LAMC3: variants seen among roughly 807,000 people sequenced by gnomAD.
LAMC3 encodes laminin subunit gamma 3.
LAMC3 carries 128 observed loss-of-function variants against 173.8 expected under a neutral mutation model. The observed-to-expected ratio is 0.74, with a 90% CI of 0.64 to 0.85. The LOEUF is 0.85. LAMC3 is among the 40% of genes least tolerant of loss of function. LAMC3 has a pLI of 0.00. For synonymous variants in LAMC3, 897 were observed against 909.1 expected (o/e 0.99, Z 0.24); for missense variants, 2,022 against 2,156.0 (o/e 0.94, Z 1.23).
intron 1 of LAMC3, among the ~76,000 whole-genome samples, chr9:131,013,550 TGCGGCCCCTGTCCTGAGGG>T (rs1414015318): frequency 6.6e-6 from 1 of 152,178 alleles, no homozygotes; most frequent in Non-Finnish European, 1.5e-5. Flanking sequence ...CAGGGCCATG[TGCGGCCCCTGTCCTGAGGG>T]GCTCAGGGCC....
Position 131,052,891 on chromosome 9 carries a change from C to A in LAMC3, c.1865C>A (p.Pro622His), listed in dbSNP as rs142041428. Reference sequence around the variant, plus strand: ...GAGGACGTGGCCCCTCCACTGCCCCCCTTCCACTTCCAGCGGCTCCTCGCC... The same window carrying A: ...GAGGACGTGGCCCCTCCACTGCCCCACTTCCACTTCCAGCGGCTCCTCGCC... ...TSEDVAPPLP[P>H]FHFQRLLANL... The change falls in exon 11 of 28, where the codon CCC becomes CAC. Residue 622 changes from proline (P) to histidine (H), a missense_variant. Coordinates refer to ENST00000361069, the MANE Select transcript of LAMC3 (RefSeq NM_006059.4). 22 of 1,614,030 alleles carry A rather than the reference C, an allele frequency of 1.4e-5. No homozygotes were observed. In the South Asian group the frequency reaches 1.8e-4, roughly 13 times the overall value.
In LAMC3 at chr9:131,067,189, C is replaced by A. The variant is rs374658017; in HGVS notation, c.2577C>A (p.Pro859=). The change falls in exon 14 of 28, where the codon CCC becomes CCA. Residue 859 remains proline, a synonymous_variant. Transcript: ENST00000361069. ...ACGGGAGCGCCCTGGCCCCTCGACC[C>A]GCAGACAAATGCATGCGTGAGTACC... ...GFYGSALAPR[P]ADKCMPCSCH... 4 of 1,613,954 alleles carry A rather than the reference C, an allele frequency of 2.5e-6. No individual in the cohort carries two copies. The Admixed American group carries it at 6.7e-5, about 27-fold the overall frequency.
intron 1 of LAMC3, among the ~76,000 whole-genome samples, chr9:131,010,255 G>T (rs892177127): frequency 4.6e-4 from 70 of 151,864 alleles, no homozygotes; most frequent in African/African-American, 1.5e-3. Flanking sequence ...AGACTGAGAG[G>T]TTGAGGCTGC....
chr9:131,087,682 G>A (rs773223593), intron 26 of LAMC3, 36 bp from the exon 27 acceptor site: 76 of 1,613,612 alleles, frequency 4.7e-5, no homozygotes, highest in East Asian at 6.7e-5. Context: ...GGGTGGGGAC[G>A]CCATTCAAGC....
chr9:131,014,955 A>C (rs1420885657), intron 1 of LAMC3, among the ~76,000 whole-genome samples: 1 of 152,210 alleles, frequency 6.6e-6, no homozygotes, highest in African/African-American at 2.4e-5. Context: ...CAGCCTGGGC[A>C]ACAGAGCGAG....
intron 1 of LAMC3, chr9:131,021,362 A>C (rs1404195305): frequency 6.6e-6 from 1 of 152,146 alleles, no homozygotes; most frequent in East Asian, 1.9e-4. Flanking sequence ...ACCATTTCAC[A>C]TTCCCACCCA....
chr9:131,089,943 GTTTATT>G (rs1830395416), intron 27 of LAMC3, among the ~76,000 whole-genome samples: 4 of 142,494 alleles, frequency 2.8e-5, no homozygotes, highest in African/African-American at 8.3e-5. Flanking sequence ...GGTGAGGAGA[GTTTATT>G]TTTATTTTTT....
chr9:131,086,782 C>T (rs1239930282), intron 25 of LAMC3, among the ~76,000 whole-genome samples: 1 of 151,682 alleles, frequency 6.6e-6, no homozygotes, highest in African/African-American at 2.4e-5. Context: ...CCTAACTACT[C>T]CAGAGGCTGA....
At chr9:131,032,429 T>C (rs1833841975) in intron 3 of LAMC3, among the ~76,000 whole-genome samples, 1 of 151,206 alleles carries the variant, frequency 6.6e-6, no homozygotes, top group African/African-American at 2.4e-5. Context: ...GCCTGGAGGT[T>C]CCTTCCTTCC....
rs1364633032 is a variant in LAMC3 at position 131,052,862 on chromosome 9, C to A, written c.1836C>A (p.Thr612=). 2 of 1,613,126 alleles carry A rather than the reference C, an allele frequency of 1.2e-6. No individual in the cohort carries two copies. Among genetic ancestry groups the A allele is most frequent in the African/African-American group, 1.3e-5 (1 of 74,894 alleles). The stretch of plus-strand genomic sequence containing the variant: ...CTTCTCTCGCCAGCCTGCAGGAGAC[C>A]TCCGAGGACGTGGCCCCTCCACTGC... ...EVELRFHLQE[T]SEDVAPPLPP... Residue 612 remains threonine (T), a synonymous_variant, in exon 11 of 28, where the codon ACC becomes ACA. Transcript: ENST00000361069.
intron 8 of LAMC3, among the ~76,000 whole-genome samples, chr9:131,047,365 C>T (rs1384847368): frequency 6.6e-6 from 1 of 150,962 alleles, no homozygotes; most frequent in Admixed American, 6.6e-5. Flanking sequence ...GGGGGTTTCA[C>T]CATGTTGGTC....
rs757403798 is a variant in LAMC3 at position 131,038,998 on chromosome 9, T to G, written c.1111T>G (p.Phe371Val). ...ACACTGTGAGCGCTGTCAGGAGAAT[T>G]TCTATCACTGGGACCCGCGGATGCC... ...GPHCERCQEN[F>V]YHWDPRMPCQ... The change falls in exon 5 of 28, where the codon TTC becomes GTC. Residue 371 changes from phenylalanine (F) to valine (V), a missense_variant. Transcript: ENST00000361069. The G allele has an allele frequency of 1.9e-6, 3 of 1,613,692 alleles. No individual in the cohort carries two copies.
intron 20 of LAMC3, 92 bp downstream of exon 20, chr9:131,073,413 T>C (rs1310326720): frequency 1.2e-5 from 12 of 963,288 alleles, no homozygotes; most frequent in African/African-American, 3.2e-5. Context: ...CACCCAGAAG[T>C]TGGGATCAGA....
At chr9:131,033,466 T>G (rs1054734040) in intron 3 of LAMC3, among the ~76,000 whole-genome samples, 1 of 151,244 alleles carries the variant, frequency 6.6e-6, no homozygotes, top group Non-Finnish European at 1.5e-5. Flanking sequence ...GTGGGAAGGC[T>G]GGGGTTGAGG....
intron 12 of LAMC3, 24 bp downstream of exon 12, chr9:131,057,171 G>C: frequency 6.3e-7 from 1 of 1,597,942 alleles, no homozygotes; most frequent in Non-Finnish European, 8.6e-7. Context: ...CACCCCATCC[G>C]AAGGCACCTG....
rs780144854 is a variant in LAMC3, at chr9:131,067,087, C to T, written c.2475C>T (p.Asp825=). Residue 825 remains aspartate (D), a synonymous_variant, in exon 14 of 28, where the codon GAC becomes GAT. Coordinates refer to ENST00000361069, the MANE Select transcript of LAMC3 (RefSeq NM_006059.4). ...NVDPNAVGNC[D]PLSGHCLRCL... ...ACCCCAATGCCGTGGGCAACTGTGACCCCCTGTCTGGCCACTGCCTGCGCT... is the reference window on the plus strand; with the variant it reads ...ACCCCAATGCCGTGGGCAACTGTGATCCCCTGTCTGGCCACTGCCTGCGCT... The T allele has an allele frequency of 1.2e-6, 2 of 1,614,042 alleles. No individual in the cohort carries two copies. The highest frequency in any genetic ancestry group is 2.2e-5 in the South Asian group (2 of 91,094).
At chr9:131,054,579 C>A (rs12005643) in intron 11 of LAMC3, among the ~76,000 whole-genome samples, 6 of 152,058 alleles carry the variant, frequency 3.9e-5, no homozygotes, top group African/African-American at 1.4e-4. Context: ...TATGGTGAAA[C>A]CCCATCTCTA....
chr9:131,028,283 G>A (rs1391214068), intron 2 of LAMC3, among the ~76,000 whole-genome samples: 2 of 152,126 alleles, frequency 1.3e-5, no homozygotes, highest in Non-Finnish European at 1.5e-5. Context: ...CGTCTTCCAC[G>A]AAACCTCTTC....
rs568719616 is a variant in LAMC3, at chr9:131,017,453, C to T, written c.373+7866C>T. On this transcript the variant is annotated intron_variant, in intron 1 of 27. Transcript: ENST00000361069. ...ACAAGAGTTAATTAGAGGCCGGGTG[C>T]GGTCCTTACGCCTGTAATCCCAGCA... Among the ~76,000 whole-genome samples, 195 of 152,052 alleles carry T rather than the reference C, an allele frequency of 1.3e-3. 1 individual carries two copies. Among genetic ancestry groups the T allele is most frequent in the South Asian group, 4.2e-3 (20 of 4,794 alleles).
Sources: allele counts gnomAD v4.1 joint callset (sites outside exome capture counted in the v4.1 genomes callset), GRCh38; gene constraint gnomAD v4.1.1; transcripts MANE v1.5; gene names NCBI Gene and HGNC (gene_info 2026-07-23, HGNC 2026-07-21).